ZNF577: variants seen among roughly 807,000 people sequenced by gnomAD.
The protein encoded by ZNF577 is zinc finger protein 577.
ZNF577 carries 14 observed loss-of-function variants against 13.9 expected under a neutral mutation model. The observed-to-expected ratio is 1.00, with a 90% CI of 0.66 to 1.57. The LOEUF (loss-of-function observed/expected upper bound fraction) is 1.57. Ranked by LOEUF, ZNF577 falls within the 40% of genes most tolerant of loss-of-function variation. The pLI, the probability that ZNF577 is intolerant of heterozygous loss-of-function variation, is 0.00. For missense variants in ZNF577, 555 were observed against 579.2 expected, an observed-to-expected ratio of 0.96 and a Z score of 0.43; for synonymous variants, 203 against 202.9, an observed-to-expected ratio of 1.00 and a Z score of 0.00.
intron 9 of ZNF577, among the ~76,000 whole-genome samples, chr19:51,819,835 A>G (rs12459256): frequency 0.37 from 56,221 of 152,030 alleles, 10,893 homozygotes; most frequent in South Asian, 0.52. Flanking sequence ...AAGGGAAGGG[A>G]TAGGATAATG....
intron 9 of ZNF577, chr19:51,817,854 A>G (rs1307344309): frequency 6.6e-6 from 1 of 152,256 alleles, no homozygotes; most frequent in African/African-American, 2.4e-5. Flanking sequence ...GGGTCTGGCA[A>G]TCTAAAAATT....
chr19:51,805,205 AG>A (rs2084050470), exon 11 of ZNF577: 1 of 152,242 alleles, frequency 6.6e-6, no homozygotes, highest in Admixed American at 6.5e-5. Context: ...ATGTAAGACC[AG>A]GCTGGGCAGC....
intron 10 of ZNF577, among the ~76,000 whole-genome samples, chr19:51,810,846 T>C (rs1484298613): frequency 6.6e-6 from 1 of 152,176 alleles, no homozygotes; most frequent in Admixed American, 6.5e-5. Context: ...AATAACCTGC[T>C]GTGGATTGTT....
rs1273617982 is a variant in ZNF577, at chr19:51,880,517, GT to G, written c.-19-117del. On this transcript the variant is annotated intron_variant, in intron 2 of 5. Transcript: ENST00000638348. The stretch of plus-strand genomic sequence containing the variant: ...ACAAACCCCCTGATCCATATATCTT[GT>G]TTCTTAATTTGCCAGGATTTTAAGA... 9.4e-6 allele frequency: 8 copies of G among 849,532 alleles called. No homozygotes were observed. The African/African-American group carries it at 1.4e-4, about 15-fold the overall frequency. The allele number at this position is 849,532 out of a possible 1,614,324, so 52.6% of individuals were successfully genotyped here.
rs140506500 is a variant in ZNF577 at position 51,870,810 on chromosome 19, C to A, written c.*1722G>T. Among the ~76,000 whole-genome samples, 6 of 152,252 alleles carry A rather than the reference C, an allele frequency of 3.9e-5. No homozygotes were observed. Among genetic ancestry groups the A allele is most frequent in the Admixed American group, 2.6e-4 (4 of 15,294 alleles). Reference sequence around the variant, plus strand: ...ATCTGCTTGGGTTTCTCCTCCCAATCCTGCAGACTGGAAACTTTCTCCAGG... The same window carrying A: ...ATCTGCTTGGGTTTCTCCTCCCAATACTGCAGACTGGAAACTTTCTCCAGG... On this transcript the variant is annotated 3_prime_UTR_variant, in exon 6 of 6. Coordinates refer to ENST00000638348, the MANE Select transcript of ZNF577 (RefSeq NM_001370449.1).
At chr19:51,819,764 C>G (rs2084173919) in intron 9 of ZNF577, among the ~76,000 whole-genome samples, 1 of 152,138 alleles carries the variant, frequency 6.6e-6, no homozygotes, top group South Asian at 2.1e-4. Flanking sequence ...GAAAACACTT[C>G]TCTTAAAGAA....
exon 9 of ZNF577, chr19:51,839,997 T>C (rs1412450421): frequency 6.6e-6 from 1 of 152,206 alleles, no homozygotes; most frequent in Non-Finnish European, 1.5e-5. Flanking sequence ...AGTAGCACCT[T>C]CGCGGAACAC....
At position 51,872,191 on chromosome 19, in the gene ZNF577, G is replaced by A. The variant is rs186939552; in HGVS notation, c.*341C>T. 177 of 168,646 alleles carry A rather than the reference G, an allele frequency of 1.0e-3. 2 individuals carry two copies. Among genetic ancestry groups the A allele is most frequent in the Non-Finnish European group, 7.0e-4 (56 of 79,586 alleles). 10.4% of individuals were successfully genotyped at this position (168,646 alleles called of 1,614,324 possible). A position where few individuals can be genotyped will look rare whatever the true frequency, so the allele number is the denominator to read the frequency against. On this transcript the variant is annotated 3_prime_UTR_variant, in exon 6 of 6. Coordinates refer to ENST00000638348, the MANE Select transcript of ZNF577 (RefSeq NM_001370449.1). ...TTCTACAAATTCTCCCATATTTTAC[G>A]AAAAATGTTTTCCATATCCATTGCC... is the stretch of plus-strand genomic sequence containing the variant.
chr19:51,866,978 AAG>A (rs201005534), downstream of ZNF577, among the ~76,000 whole-genome samples: 2 of 149,838 alleles, frequency 1.3e-5, no homozygotes, highest in Admixed American at 6.6e-5. Flanking sequence ...AGAAGAAAGA[AAG>A]AGAGAGAGAG....
chr19:51,872,537 C>A lies in ZNF577; in HGVS notation c.1453G>T (p.Glu485Ter). 1 of 1,570,794 alleles carries A rather than the reference C, an allele frequency of 6.4e-7. No homozygotes were observed. Among genetic ancestry groups the A allele is most frequent in the Non-Finnish European group, 8.6e-7 (1 of 1,159,462 alleles). The change falls in exon 6 of 6, where the codon GAA (glutamate) becomes TAA (stop). Residue 485 changes from glutamate to a stop codon, truncating the protein, a stop_gained. Transcript: ENST00000638348. LOFTEE classifies it high-confidence loss of function. ...YILYLTDIVS[E>*] ...CCTTTCTGGTATCAGAAGATTTATT[C>A]TGATACAATATCTGTAAGATACAAG... is the stretch of plus-strand genomic sequence containing the variant.
intron 9 of ZNF577, chr19:51,811,741 G>GT (rs1339089873): frequency 3.3e-5 from 5 of 152,208 alleles, no homozygotes; most frequent in Admixed American, 6.5e-5. Context: ...GGAAGAAGGA[G>GT]TTAGGGGGCA....
chr19:51,878,318 A>C, intron 4 of ZNF577, 71 bp downstream of exon 4: 2 of 1,492,242 alleles, frequency 1.3e-6, no homozygotes, highest in Non-Finnish European at 1.8e-6. Flanking sequence ...TAAACCATTA[A>C]ATATTTATGG....
At chr19:51,863,100 C>A (rs560137087), downstream of ZNF577, 3 of 152,280 alleles carry the variant, frequency 2.0e-5, no homozygotes, top group Admixed American at 6.5e-5. Context: ...TTTGAGTTTG[C>A]TGATGAGCAA....
chr19:51,876,960 T>C (rs966702540), intron 5 of ZNF577, among the ~76,000 whole-genome samples: 3 of 146,296 alleles, frequency 2.1e-5, no homozygotes, highest in Admixed American at 6.8e-5. Context: ...ATAATCCAGA[T>C]GGGTTACGAG....
intron 5 of ZNF577, among the ~76,000 whole-genome samples, chr19:51,845,232 C>T (rs1434696734): frequency 6.6e-6 from 1 of 152,170 alleles, no homozygotes; most frequent in African/African-American, 2.4e-5. Context: ...CGGTGGCTCA[C>T]ACCTGTAATC....
rs895537273 is a variant in ZNF577, at chr19:51,869,383, G to A, written c.*3149C>T. Among the ~76,000 whole-genome samples, 8 of 152,026 alleles carry A rather than the reference G, an allele frequency of 5.3e-5. No individual in the cohort carries two copies. The highest frequency in any genetic ancestry group is 1.7e-4 in the African/African-American group (7 of 41,362). On this transcript the variant is annotated 3_prime_UTR_variant, in exon 6 of 6. Transcript: ENST00000638348. The stretch of plus-strand genomic sequence containing the variant: ...CATAAATCTGGCCTATGTGCACATC[G>A]AGGCACAGCACCTTTCCTTAAACTT...
chr19:51,826,415 G>T (rs1364853257), intron 9 of ZNF577, among the ~76,000 whole-genome samples: 3 of 152,186 alleles, frequency 2.0e-5, no homozygotes, highest in African/African-American at 4.8e-5. Flanking sequence ...AAGCCAACTG[G>T]ATCTTGGGTT....
At chr19:51,876,627 G>A (rs962281604) in intron 5 of ZNF577, among the ~76,000 whole-genome samples, 2 of 151,980 alleles carry the variant, frequency 1.3e-5, no homozygotes, top group Non-Finnish European at 2.9e-5. Flanking sequence ...CGACAGAAGT[G>A]CTAAAAGTAA....
intron 3 of ZNF577, 133 bp downstream of exon 3, chr19:51,880,190 C>A: frequency 2.1e-6 from 2 of 974,748 alleles, no homozygotes; most frequent in South Asian, 2.9e-5. Flanking sequence ...GCTTACCCCA[C>A]TAAACAACAG....
Sources: allele counts gnomAD v4.1 joint callset (sites outside exome capture counted in the v4.1 genomes callset), GRCh38; gene constraint gnomAD v4.1.1; transcripts MANE v1.5; gene names NCBI Gene and HGNC (gene_info 2026-07-23, HGNC 2026-07-21).